The following ANO2 variants were observed in gnomAD, a reference collection of about 807,000 sequenced individuals.
ANO2 encodes the protein anoctamin-2.
In ANO2, 101 loss-of-function variants were observed where a neutral mutation model predicts 124.2. The observed-to-expected ratio is 0.81, with a 90% CI of 0.69 to 0.96. The LOEUF (loss-of-function observed/expected upper bound fraction) is 0.96. Ranked by LOEUF, ANO2 falls within the 40% of genes least tolerant of loss-of-function variation. The probability of loss-of-function intolerance (pLI) is 0.00; values close to 1 mark genes in which losing one functional copy is unlikely to be tolerated. For missense variants in ANO2, 1,293 were observed against 1,274.5 expected (o/e 1.01, Z -0.22); for synonymous variants, 486 against 482.5 (o/e 1.01, Z -0.09).
At chr12:5,613,575 A>G (rs892125926) in intron 17 of ANO2, among the ~76,000 whole-genome samples, 2 of 152,148 alleles carry the variant, frequency 1.3e-5, no homozygotes, top group Admixed American at 6.5e-5. Context: ...CAGACAGACA[A>G]TCAGAATAAT....
chr12:5,894,451 C>A (rs1208226481), intron 3 of ANO2, among the ~76,000 whole-genome samples: 2 of 152,184 alleles, frequency 1.3e-5, no homozygotes, highest in Non-Finnish European at 2.9e-5. Context: ...CCTGTTCACT[C>A]TGATGATAGT....
intron 14 of ANO2, among the ~76,000 whole-genome samples, chr12:5,724,353 G>A (rs772762853): frequency 3.3e-5 from 5 of 152,112 alleles, no homozygotes; most frequent in African/African-American, 9.7e-5. Flanking sequence ...AAGAGGGCAC[G>A]AGGGAACTTC....
chr12:5,855,319 A>G (rs939270591), intron 3 of ANO2, among the ~76,000 whole-genome samples: 15 of 152,230 alleles, frequency 9.9e-5, no homozygotes, highest in African/African-American at 2.2e-4. Context: ...AACACTGTCT[A>G]TGGAGGAGGT....
intron 14 of ANO2, among the ~76,000 whole-genome samples, chr12:5,686,663 C>G (rs1156718610): frequency 6.6e-6 from 1 of 152,222 alleles, no homozygotes; most frequent in Non-Finnish European, 1.5e-5. Flanking sequence ...CTCCATGGGC[C>G]CCTCTGGGAA....
At chr12:5,866,770 G>C (rs977095499) in intron 3 of ANO2, among the ~76,000 whole-genome samples, 1 of 152,240 alleles carries the variant, frequency 6.6e-6, no homozygotes, top group African/African-American at 2.4e-5. Flanking sequence ...GCTGCTGCCA[G>C]TGCATTTTGC....
intron 1 of ANO2, among the ~76,000 whole-genome samples, chr12:5,931,344 C>T (rs922195641): frequency 6.6e-6 from 1 of 152,096 alleles, no homozygotes; most frequent in Non-Finnish European, 1.5e-5. Flanking sequence ...GGATGATATA[C>T]GTGCAGTATT....
upstream of ANO2, chr12:5,945,293 T>G (rs1029740600): frequency 1.6e-6 from 2 of 1,222,562 alleles, no homozygotes; most frequent in South Asian, 2.8e-5. Context: ...GCTAATTCCA[T>G]CGCGGCTCAG....
At chr12:5,922,889 T>G in intron 1 of ANO2, 85 bp from the exon 2 acceptor site, 1 of 1,324,212 alleles carries the variant, frequency 7.6e-7, no homozygotes, top group Non-Finnish European at 9.8e-7. Flanking sequence ...ACTCAGACAC[T>G]AGCCCTGAGA....
At chr12:5,928,469 T>G (rs1411376365) in intron 1 of ANO2, among the ~76,000 whole-genome samples, 1 of 146,884 alleles carries the variant, frequency 6.8e-6, no homozygotes, top group Non-Finnish European at 1.5e-5. Context: ...CTTTCCTTCG[T>G]CACTAGTCTA....
In ANO2 at chr12:5,864,948, G is replaced by C. The variant is rs1955377304; in HGVS notation, c.535-10807C>G. ...AGCATTCCCAGGCATTTAAAAGCTG[G>C]TCATATTAACTCTGAAAGCCCTATC... On this transcript the variant is annotated intron_variant, in intron 3 of 24. Transcript: ENST00000682330. Among the ~76,000 whole-genome samples, 3 of 152,188 alleles carry C rather than the reference G, an allele frequency of 2.0e-5. No homozygotes were observed. The South Asian group carries it at 6.2e-4, about 32-fold the overall frequency.
intron 4 of ANO2, among the ~76,000 whole-genome samples, chr12:5,836,982 TATGA>T (rs1954341490): frequency 6.6e-6 from 1 of 152,236 alleles, no homozygotes; most frequent in South Asian, 2.1e-4. Context: ...CCTATTGTTT[TATGA>T]ATGAATGAAT....
At chr12:5,738,984 A>G in intron 13 of ANO2, 1 of 430,222 alleles carries the variant, frequency 2.3e-6, no homozygotes, top group Non-Finnish European at 4.6e-6. Context: ...CATATCCCTG[A>G]CTCTCTGGCT....
At position 5,612,582 on chromosome 12, in the gene ANO2, A is replaced by C. The variant is rs1944593629; in HGVS notation, c.2087+74T>G. ...CTAAGAAGAGGAAAGGCCATAGAAAACCTGCTGAAAGGCTGGCACTTCTGG... is the reference window on the plus strand; with the variant it reads ...CTAAGAAGAGGAAAGGCCATAGAAACCCTGCTGAAAGGCTGGCACTTCTGG... On this transcript the variant is annotated intron_variant, in intron 19 of 24. Coordinates refer to ENST00000682330, the MANE Select transcript of ANO2 (RefSeq NM_001364791.2). 6 of 1,256,178 alleles carry C rather than the reference A, an allele frequency of 4.8e-6. No individual in the cohort carries two copies. In the Admixed American group the frequency reaches 1.1e-4, roughly 23 times the overall value. 77.8% of individuals were successfully genotyped at this position (1,256,178 alleles called of 1,614,324 possible). A position where few individuals can be genotyped will look rare whatever the true frequency, so the allele number is the denominator to read the frequency against.
intron 20 of ANO2, chr12:5,584,125 A>C: frequency 5.5e-6 from 1 of 181,122 alleles, no homozygotes; most frequent in Non-Finnish European, 1.1e-5. Context: ...CCTTAATTTA[A>C]TGAACACCCC....
At chr12:5,571,793 G>C (rs1051464212) in intron 23 of ANO2, among the ~76,000 whole-genome samples, 2 of 152,050 alleles carry the variant, frequency 1.3e-5, no homozygotes, top group Non-Finnish European at 2.9e-5. Context: ...CATCCATAGA[G>C]GTTATGCCTC....
At chr12:5,711,019 G>T (rs191866196) in intron 14 of ANO2, among the ~76,000 whole-genome samples, 4 of 151,976 alleles carry the variant, frequency 2.6e-5, no homozygotes, top group African/African-American at 7.3e-5. Context: ...TTAGCCGGGC[G>T]TGGTGGCATG....
intron 4 of ANO2, among the ~76,000 whole-genome samples, chr12:5,848,536 C>T (rs1332791917): frequency 6.6e-6 from 1 of 152,208 alleles, no homozygotes; most frequent in Non-Finnish European, 1.5e-5. Flanking sequence ...GTCACGTTTG[C>T]TGTCTCTCCC....
intron 1 of ANO2, among the ~76,000 whole-genome samples, chr12:5,924,415 G>C (rs576967179): frequency 2.0e-5 from 3 of 152,162 alleles, no homozygotes; most frequent in African/African-American, 7.2e-5. Context: ...AGTCAAAGTC[G>C]GCTTCTGGGG....
chr12:5,792,796 G>C (rs1420361533), intron 10 of ANO2, among the ~76,000 whole-genome samples: 1 of 152,178 alleles, frequency 6.6e-6, no homozygotes, highest in Non-Finnish European at 1.5e-5. Flanking sequence ...GTGGTCATCT[G>C]CAAGCATGGA....
Sources: allele counts gnomAD v4.1 joint callset (sites outside exome capture counted in the v4.1 genomes callset), GRCh38; gene constraint gnomAD v4.1.1; transcripts MANE v1.5; gene names NCBI Gene and HGNC (gene_info 2026-07-23, HGNC 2026-07-21).